Variants in MAP3K1 observed in about 807,000 individuals in gnomAD.
The protein encoded by MAP3K1 is MAP/ERK kinase kinase 1.
A neutral mutation model predicts 144.2 loss-of-function variants in MAP3K1; 36 were observed. The ratio of observed to expected loss-of-function variants is 0.25; its 90% CI spans 0.19 to 0.33. The LOEUF (loss-of-function observed/expected upper bound fraction) is 0.33. Among genes scored for constraint, MAP3K1 ranks in the 10% least tolerant of loss-of-function variants. MAP3K1 has a pLI of 1.00. For missense variants in MAP3K1, 1,650 were observed against 1,881.9 expected (o/e 0.88, Z 2.28); for synonymous variants, 718 against 688.7 (o/e 1.04, Z -0.67).
At chr5:56,871,530 G>A (rs1375176292) in intron 6 of MAP3K1, among the ~76,000 whole-genome samples, 1 of 152,038 alleles carries the variant, frequency 6.6e-6, no homozygotes, top group Non-Finnish European at 1.5e-5. Flanking sequence ...GAGCTCTAAG[G>A]TCCGCCAGTA....
chr5:56,852,076 T>A (rs972570228), intron 1 of MAP3K1: 1 of 72,672 alleles, frequency 1.4e-5, no homozygotes, highest in African/African-American at 4.9e-5. Context: ...AGGGTATTCC[T>A]GGCAGGGAAA....
At chr5:56,827,496 C>T (rs780173787) in intron 1 of MAP3K1, among the ~76,000 whole-genome samples, 9 of 152,176 alleles carry the variant, frequency 5.9e-5, no homozygotes, top group Non-Finnish European at 8.8e-5. Flanking sequence ...AAATGAATTC[C>T]ATCCACTGTG....
intron 3 of MAP3K1, among the ~76,000 whole-genome samples, chr5:56,860,448 A>C (rs1747472620): frequency 6.6e-6 from 1 of 152,192 alleles, no homozygotes; most frequent in South Asian, 2.1e-4. Context: ...TGAACTAGTT[A>C]TTTCTTTCAT....
intron 3 of MAP3K1, among the ~76,000 whole-genome samples, chr5:56,861,714 C>T (rs748269866): frequency 1.3e-5 from 2 of 152,116 alleles, no homozygotes; most frequent in Non-Finnish European, 2.9e-5. Flanking sequence ...CTATGAGAAT[C>T]TTAGCTGTCT....
intron 9 of MAP3K1, among the ~76,000 whole-genome samples, chr5:56,873,274 G>A (rs1189964979): frequency 6.6e-6 from 1 of 152,160 alleles, no homozygotes; most frequent in African/African-American, 2.4e-5. Flanking sequence ...GGTTATTCAA[G>A]GATAGAAGGA....
intron 1 of MAP3K1, among the ~76,000 whole-genome samples, chr5:56,840,870 G>GT (rs5868031): frequency 0.12 from 16,018 of 138,312 alleles, 1,151 homozygotes; most frequent in East Asian, 0.35. Context: ...AATTGTTAAG[G>GT]TTTTTTTTTT....
intron 6 of MAP3K1, 89 bp downstream of exon 6, chr5:56,866,066 T>A: frequency 9.4e-7 from 1 of 1,068,956 alleles, no homozygotes; most frequent in Non-Finnish European, 1.4e-6. Context: ...TAAGTTGCTC[T>A]AAAATGATTT....
chr5:56,856,765 G>A lies in MAP3K1; in HGVS notation c.633+15G>A, dbSNP rs1324052214. ...GAGGGCCTGTGGTAAGTGGCTATGGGTTACCAGTTATAAGGAAGAAAGCAT... is the reference window on the plus strand; with the variant it reads ...GAGGGCCTGTGGTAAGTGGCTATGGATTACCAGTTATAAGGAAGAAAGCAT... On this transcript the variant is annotated intron_variant, in intron 2 of 19. Transcript: ENST00000399503. 6.2e-7 allele frequency: 1 copy of A among 1,613,528 alleles called. No individual in the cohort carries two copies. Among genetic ancestry groups the A allele is most frequent in the Non-Finnish European group, 8.5e-7 (1 of 1,179,502 alleles).
In MAP3K1 at chr5:56,861,590, A is replaced by AAAAGG. The variant is rs1554033753; in HGVS notation, c.834+1675_834+1676insAAAGG. On this transcript the variant is annotated intron_variant, in intron 3 of 19. Transcript: ENST00000399503. ...TCCTAAAAAAAAAAAAAAAAAAAAA[A>AAAAGG]GGGGCTATTAAAATACTCCTTCCTT... 6.0e-4 allele frequency among the ~76,000 whole-genome samples: 81 copies of AAAAGG among 134,580 alleles called. 1 individual carries two copies. Among genetic ancestry groups the AAAAGG allele is most frequent in the African/African-American group, 2.3e-3 (78 of 33,414 alleles). 88.3% of individuals were successfully genotyped at this position (134,580 alleles called of 152,430 possible). A position where few individuals can be genotyped will look rare whatever the true frequency, so the allele number is the denominator to read the frequency against.
At chr5:56,820,963 GT>G (rs1258242668) in intron 1 of MAP3K1, 15 of 254,504 alleles carry the variant, frequency 5.9e-5, no homozygotes, top group Non-Finnish European at 8.0e-5. Flanking sequence ...GTTCAGGCAT[GT>G]TTTTTTTTCT....
intron 1 of MAP3K1, among the ~76,000 whole-genome samples, chr5:56,844,155 G>A (rs750288417): frequency 1.1e-4 from 12 of 114,076 alleles, no homozygotes; most frequent in Admixed American, 3.4e-4. Flanking sequence ...ATCATTAGAT[G>A]TTTAGTATTA....
chr5:56,832,318 T>G (rs1185723189), intron 1 of MAP3K1, among the ~76,000 whole-genome samples: 1 of 152,228 alleles, frequency 6.6e-6, no homozygotes, highest in Non-Finnish European at 1.5e-5. Flanking sequence ...TCAGCCATTG[T>G]TGAGAGATTT....
In MAP3K1 at chr5:56,872,625, T is replaced by G; in HGVS notation, c.1424-16T>G. ...CATTTACATTTTTGTAAGATTTTGTTTCTGTAATTTTTCAGGGGCAGAAGA... is the reference window on the plus strand; with the variant it reads ...CATTTACATTTTTGTAAGATTTTGTGTCTGTAATTTTTCAGGGGCAGAAGA... On this transcript the variant is annotated splice_polypyrimidine_tract_variant and intron_variant, in intron 7 of 19. Transcript: ENST00000399503. 2 of 1,452,012 alleles carry G rather than the reference T, an allele frequency of 1.4e-6. No individual in the cohort carries two copies. The highest frequency in any genetic ancestry group is 2.3e-5 in the South Asian group (2 of 86,516). 89.9% of individuals were successfully genotyped at this position (1,452,012 alleles called of 1,614,324 possible). A position where few individuals can be genotyped will look rare whatever the true frequency, so the allele number is the denominator to read the frequency against.
At chr5:56,852,651 C>G (rs1263662899) in intron 1 of MAP3K1, among the ~76,000 whole-genome samples, 1 of 152,014 alleles carries the variant, frequency 6.6e-6, no homozygotes, top group Admixed American at 6.6e-5. Flanking sequence ...CATTGTTTAG[C>G]TGAAATCTGT....
intron 19 of MAP3K1, among the ~76,000 whole-genome samples, chr5:56,888,905 T>C (rs970155800): frequency 2.0e-5 from 3 of 152,200 alleles, no homozygotes; most frequent in Admixed American, 2.0e-4. Flanking sequence ...TTTCCAGGAG[T>C]TGATATTGTC....
At chr5:56,819,739 C>A (rs987630224) in intron 1 of MAP3K1, among the ~76,000 whole-genome samples, 1 of 152,186 alleles carries the variant, frequency 6.6e-6, no homozygotes, top group African/African-American at 2.4e-5. Context: ...GTGTATATTA[C>A]ACCTCTAATC....
At chr5:56,864,267 T>A (rs1747606394) in intron 3 of MAP3K1, among the ~76,000 whole-genome samples, 1 of 152,218 alleles carries the variant, frequency 6.6e-6, no homozygotes, top group Admixed American at 6.5e-5. Context: ...GAGATGAGTA[T>A]GTCAGACAAA....
At chr5:56,857,971 A>G (rs1176858663) in intron 2 of MAP3K1, among the ~76,000 whole-genome samples, 1 of 152,194 alleles carries the variant, frequency 6.6e-6, no homozygotes, top group Admixed American at 6.5e-5. Context: ...CTTTACAGCT[A>G]AGTTTCTACA....
In MAP3K1 at chr5:56,883,814, G is replaced by C. The variant is rs950410084; in HGVS notation, c.3819+135G>C. ...CTTTGAGAAACTTAGTTTCAAAGTA[G>C]ATGTTTCTAAAGCACCAGAAACATC... is the stretch of plus-strand genomic sequence containing the variant. On this transcript the variant is annotated intron_variant, in intron 15 of 19. Coordinates refer to ENST00000399503, the MANE Select transcript of MAP3K1 (RefSeq NM_005921.2). 3.8e-4 allele frequency: 364 copies of C among 970,256 alleles called. 1 individual carries two copies. Among genetic ancestry groups the C allele is most frequent in the Non-Finnish European group, 1.0e-4 (64 of 620,124 alleles). 60.1% of individuals were successfully genotyped at this position (970,256 alleles called of 1,614,324 possible). A position where few individuals can be genotyped will look rare whatever the true frequency, so the allele number is the denominator to read the frequency against.
Sources: allele counts gnomAD v4.1 joint callset (sites outside exome capture counted in the v4.1 genomes callset), GRCh38; gene constraint gnomAD v4.1.1; transcripts MANE v1.5; gene names NCBI Gene and HGNC (gene_info 2026-07-23, HGNC 2026-07-21).